Variants in TBXA2R observed in about 807,000 individuals in gnomAD.
TBXA2R encodes the protein prostanoid TP receptor.
Under a neutral mutation model 15.6 loss-of-function variants are expected in TBXA2R, and 15 were observed. The observed-to-expected ratio is 0.96, with a 90% CI of 0.64 to 1.48. The LOEUF (loss-of-function observed/expected upper bound fraction) is 1.48. Among genes scored for constraint, TBXA2R ranks in the 40% most tolerant of loss-of-function variants. The pLI is 0.00. For missense variants in TBXA2R, 506 were observed against 491.4 expected (o/e 1.03, Z -0.28); for synonymous variants, 280 against 241.2 (o/e 1.16, Z -1.49).
chr19:3,601,371 T>A (rs55878364), intron 1 of TBXA2R, among the ~76,000 whole-genome samples: 36,861 of 150,350 alleles, frequency 0.25, 5,742 homozygotes, highest in African/African-American at 0.45. Context: ...TCTTAAAATA[T>A]ATATATATCT....
chr19:3,604,197 C>G (rs1449134803), intron 1 of TBXA2R, among the ~76,000 whole-genome samples: 1 of 151,424 alleles, frequency 6.6e-6, no homozygotes, highest in Non-Finnish European at 1.5e-5. Context: ...TGATGGGAAT[C>G]TGCCTGGGTC....
rs201493402 is a variant in TBXA2R at position 3,606,549 on chromosome 19, G to C, written c.-103C>G. 6.6e-6 allele frequency: 1 copy of C among 152,338 alleles called. No individual in the cohort carries two copies. The highest frequency in any genetic ancestry group is 2.4e-5 in the African/African-American group (1 of 41,460). 9.4% of individuals were successfully genotyped at this position (152,338 alleles called of 1,614,324 possible). On this transcript the variant is annotated 5_prime_UTR_variant, in exon 1 of 3. Coordinates refer to ENST00000375190, the MANE Select transcript of TBXA2R (RefSeq NM_001060.6). ...CCTCACCTTCAGAGACCTCATCTGC[G>C]GGGCTCCCACCTGGCTGGATCCCGC...
In TBXA2R at chr19:3,595,207, C is replaced by G. The variant is rs993851267; in HGVS notation, c.*481G>C. The G allele has an allele frequency of 6.7e-5, 39 of 586,160 alleles. No individual in the cohort carries two copies. The South Asian group carries it at 8.5e-4, about 13-fold the overall frequency. 36.3% of individuals were successfully genotyped at this position (586,160 alleles called of 1,614,324 possible). A position where few individuals can be genotyped will look rare whatever the true frequency, so the allele number is the denominator to read the frequency against. On this transcript the variant is annotated 3_prime_UTR_variant, in exon 3 of 3. Transcript: ENST00000375190. ...CAGCCTGGCCAACACGGTGAAACCCCGTCTCTACTAAAAATACAAAAATTA... is the reference window on the plus strand; with the variant it reads ...CAGCCTGGCCAACACGGTGAAACCCGGTCTCTACTAAAAATACAAAAATTA...
intron 1 of TBXA2R, among the ~76,000 whole-genome samples, chr19:3,605,752 T>G (rs1267554283): frequency 6.8e-6 from 1 of 146,174 alleles, no homozygotes; most frequent in African/African-American, 2.6e-5. Flanking sequence ...CACATACAGA[T>G]AGACACACAC....
chr19:3,598,731 T>C (rs1005092047), intron 2 of TBXA2R, among the ~76,000 whole-genome samples: 2 of 150,712 alleles, frequency 1.3e-5, no homozygotes, highest in African/African-American at 2.4e-5. Context: ...TGCAGTGACG[T>C]GATCTCGGCT....
Position 3,595,078 on chromosome 19 carries a change from TAAAAAA to T in TBXA2R, c.*604_*609del, listed in dbSNP as rs34885751. ...CTGGGCCACAGAGTGAGACTCCGTCTAAAAAAAAAAAAAAAAATGGCCAGGTGTGGT... is the reference window on the plus strand; with the variant it reads ...CTGGGCCACAGAGTGAGACTCCGTCTAAAAAAAAAAATGGCCAGGTGTGGT... On this transcript the variant is annotated 3_prime_UTR_variant, in exon 3 of 3. Transcript: ENST00000375190. 1 of 477,238 alleles carries T rather than the reference TAAAAAA, an allele frequency of 2.1e-6. No individual in the cohort carries two copies. The highest frequency in any genetic ancestry group is 3.6e-6 in the Non-Finnish European group (1 of 280,762). 29.6% of individuals were successfully genotyped at this position (477,238 alleles called of 1,614,324 possible).
At chr19:3,598,637 C>A (rs1270012236) in intron 2 of TBXA2R, among the ~76,000 whole-genome samples, 1 of 151,372 alleles carries the variant, frequency 6.6e-6, no homozygotes, top group Non-Finnish European at 1.5e-5. Context: ...CAGACATGAG[C>A]CACCGTGGCT....
chr19:3,601,185 G>A (rs773688890), intron 1 of TBXA2R, among the ~76,000 whole-genome samples: 2 of 152,022 alleles, frequency 1.3e-5, no homozygotes, highest in African/African-American at 2.4e-5. Flanking sequence ...AGCAGCAGGC[G>A]GGGACCTGTT....
At chr19:3,601,250 C>G (rs1171077012) in intron 1 of TBXA2R, among the ~76,000 whole-genome samples, 4 of 151,996 alleles carry the variant, frequency 2.6e-5, no homozygotes, top group African/African-American at 9.7e-5. Context: ...GGAGCCAAGC[C>G]AGGCGCAGTG....
In TBXA2R at chr19:3,595,363, A is replaced by T; in HGVS notation, c.*325T>A. 1 of 1,379,120 alleles carries T rather than the reference A, an allele frequency of 7.3e-7. No individual in the cohort carries two copies. Among genetic ancestry groups the T allele is most frequent in the Non-Finnish European group, 9.3e-7 (1 of 1,072,096 alleles). The allele number at this position is 1,379,120 out of a possible 1,614,324, so 85.4% of individuals were successfully genotyped here. A position where few individuals can be genotyped will look rare whatever the true frequency, so the allele number is the denominator to read the frequency against. On this transcript the variant is annotated 3_prime_UTR_variant, in exon 3 of 3. Transcript: ENST00000375190. ...CACTGCACTCCAGCCTGGGGGACAG[A>T]GCAAGACTCCGTCTAAAAAAAAAAA...
In TBXA2R at chr19:3,595,807, G is replaced by A. The variant is rs1267349145; in HGVS notation, c.913C>T (p.Pro305Ser). 2 of 1,611,890 alleles carry A rather than the reference G, an allele frequency of 1.2e-6. No individual in the cohort carries two copies. Among genetic ancestry groups the A allele is most frequent in the Non-Finnish European group, 1.7e-6 (2 of 1,179,338 alleles). The change falls in exon 3 of 3, where the codon CCC becomes TCC. Residue 305 changes from proline (P) to serine (S), a missense_variant. By Grantham distance (74) the Pro-to-Ser change is moderately conservative (BLOSUM62 -1). Transcript: ENST00000375190. The stretch of plus-strand genomic sequence containing the variant: ...CGGCGGAACAGGATATACACCCAGG[G>A]GTCCAGGATCTGGTTCCAGGTGGCC... ...RVATWNQILD[P>S]WVYILFRRAV...
At position 3,605,603 on chromosome 19, in the gene TBXA2R, G is replaced by GACAC. The variant is rs974167111; in HGVS notation, c.-84+923_-84+926dup. On this transcript the variant is annotated intron_variant, in intron 1 of 2. Transcript: ENST00000375190. ...GCAGATACACAGACACACACAGATA[G>GACAC]ACACACACAGAAACACCACAGACAC... Among the ~76,000 whole-genome samples, 5 of 149,676 alleles carry GACAC rather than the reference G, an allele frequency of 3.3e-5. No homozygotes were observed. The East Asian group carries it at 9.9e-4, about 30-fold the overall frequency.
At chr19:3,599,755 C>T (rs2032680170) in intron 2 of TBXA2R, 94 bp downstream of exon 2, 1 of 1,529,786 alleles carries the variant, frequency 6.5e-7, no homozygotes, top group Admixed American at 2.0e-5. Context: ...GCGTGAGCCA[C>T]CGCGCCCGGT....
In TBXA2R at chr19:3,602,915, A is replaced by AG. The variant is rs56303449; in HGVS notation, c.-83-2199dup. Among the ~76,000 whole-genome samples, 334 of 152,166 alleles carry AG rather than the reference A, an allele frequency of 2.2e-3. 1 individual carries two copies. Among genetic ancestry groups the AG allele is most frequent in the Non-Finnish European group, 2.2e-3 (148 of 67,990 alleles). On this transcript the variant is annotated intron_variant, in intron 1 of 2. Transcript: ENST00000375190. Reference sequence around the variant, plus strand: ...GCCAGGCGTGGTGGCGGGCGCCCGTAGTCCCAGCTACTTGGGAGGCTGAGG... The same window carrying AG: ...GCCAGGCGTGGTGGCGGGCGCCCGTAGGTCCCAGCTACTTGGGAGGCTGAGG...
Position 3,600,661 on chromosome 19 carries a change from A to G in TBXA2R, c.-27T>C. 6.2e-7 allele frequency: 1 copy of G among 1,609,230 alleles called. No individual in the cohort carries two copies. Among genetic ancestry groups the G allele is most frequent in the Non-Finnish European group, 8.5e-7 (1 of 1,178,318 alleles). On this transcript the variant is annotated 5_prime_UTR_variant, in exon 2 of 3. An upstream open reading frame in the 5' UTR loses its in-frame stop. Coordinates refer to ENST00000375190, the MANE Select transcript of TBXA2R (RefSeq NM_001060.6). ...GCTCCGGAGCCCTGAGGGATCAGTC[A>G]CCACCCCATCAGGCCGATGCTGCAG...
At position 3,595,591 on chromosome 19, in the gene TBXA2R, G is replaced by A. The variant is rs1478953548; in HGVS notation, c.*97C>T. On this transcript the variant is annotated 3_prime_UTR_variant, in exon 3 of 3. Transcript: ENST00000375190. ...GCTGCTGATGCCCACTGTCCATCCA[G>A]CACCCCCAGCCCCTGAATCCTCAGA... is the stretch of plus-strand genomic sequence containing the variant. 1.4e-6 allele frequency: 2 copies of A among 1,466,470 alleles called. No individual in the cohort carries two copies. The highest frequency in any genetic ancestry group is 2.5e-5 in the Admixed American group (1 of 40,768). The allele number at this position is 1,466,470 out of a possible 1,614,324, so 90.8% of individuals were successfully genotyped here.
chr19:3,600,595 G>C lies in TBXA2R; in HGVS notation c.40C>G (p.Pro14Ala), dbSNP rs1429803316. 1 of 1,612,608 alleles carries C rather than the reference G, an allele frequency of 6.2e-7. No homozygotes were observed. The highest frequency in any genetic ancestry group is 1.7e-5 in the Admixed American group (1 of 60,006). The part of the protein sequence containing the change: ...NGSSLGPCFR[P>A]TNITLEERRL... ...CTCTCCTCCAGGGTAATGTTTGTGG[G>C]CCGGAAACAGGGCCCCAGGGAACTG... Residue 14 changes from proline (P) to alanine (A), a missense_variant, in exon 2 of 3, where the codon CCC becomes GCC. By Grantham distance (27) the Pro-to-Ala change is conservative (BLOSUM62 -1). Coordinates refer to ENST00000375190, the MANE Select transcript of TBXA2R (RefSeq NM_001060.6).
intron 2 of TBXA2R, among the ~76,000 whole-genome samples, chr19:3,597,122 A>G (rs971235799): frequency 6.6e-6 from 1 of 151,178 alleles, no homozygotes; most frequent in African/African-American, 2.4e-5. Flanking sequence ...TTGTATTTTT[A>G]GTAGAGACGG....
rs1599868447 is a variant in TBXA2R, at chr19:3,595,242, G to A, written c.*446C>T. ...AAAAATACAAAAATTAGCCGGGCGT[G>A]GTGGCGCGCGCCTATAGTCCCAGCT... is the stretch of plus-strand genomic sequence containing the variant. On this transcript the variant is annotated 3_prime_UTR_variant, in exon 3 of 3. Transcript: ENST00000375190. 3 of 704,350 alleles carry A rather than the reference G, an allele frequency of 4.3e-6. No individual in the cohort carries two copies. Among genetic ancestry groups the A allele is most frequent in the African/African-American group, 3.7e-5 (2 of 53,340 alleles). 43.6% of individuals were successfully genotyped at this position (704,350 alleles called of 1,614,324 possible). A position where few individuals can be genotyped will look rare whatever the true frequency, so the allele number is the denominator to read the frequency against.
Sources: gnomAD v4.1 joint callset for allele counts (sites outside exome capture counted in the v4.1 genomes callset) on GRCh38, gnomAD v4.1.1 for gene constraint, MANE v1.5 for transcripts, NCBI Gene and HGNC (gene_info 2026-07-23, HGNC 2026-07-21) for gene names.